GRID2: variants seen among roughly 807,000 people sequenced by gnomAD.
GRID2 encodes the protein glutamate ionotropic receptor delta type subunit 2, also known as glutamate receptor ionotropic, delta-2.
A neutral mutation model predicts 114.8 loss-of-function variants in GRID2; 33 were observed. That is an observed-to-expected ratio of 0.29 (90% confidence interval 0.22 to 0.38). The LOEUF (loss-of-function observed/expected upper bound fraction) is 0.38. Among genes scored for constraint, GRID2 ranks in the 10% least tolerant of loss-of-function variants. The pLI is 1.00. For missense variants in GRID2, 1,184 were observed against 1,257.7 expected (o/e 0.94, Z 0.89); for synonymous variants, 505 against 449.9 (o/e 1.12, Z -1.55).
intron 14 of GRID2, among the ~76,000 whole-genome samples, chr4:93,706,332 T>G (rs1234642176): frequency 1.3e-5 from 2 of 152,210 alleles, no homozygotes; most frequent in Non-Finnish European, 2.9e-5. Flanking sequence ...TCTTTCCATT[T>G]TTTTACATCC....
intron 13 of GRID2, among the ~76,000 whole-genome samples, chr4:93,556,505 T>C (rs1215494469): frequency 6.6e-6 from 1 of 151,890 alleles, no homozygotes; most frequent in Non-Finnish European, 1.5e-5. Flanking sequence ...AGAAAAGATA[T>C]CAGAGATTGA....
chr4:93,501,122 T>G (rs1457892118), intron 12 of GRID2, among the ~76,000 whole-genome samples: 1 of 152,108 alleles, frequency 6.6e-6, no homozygotes, highest in Non-Finnish European at 1.5e-5. Flanking sequence ...AGAAAGACAT[T>G]TTTTAGAATC....
At chr4:92,913,475 A>G (rs1442518908) in intron 2 of GRID2, among the ~76,000 whole-genome samples, 5 of 152,012 alleles carry the variant, frequency 3.3e-5, no homozygotes, top group Middle Eastern at 6.8e-3. Context: ...TATCCTAAAT[A>G]TAACTTTTAT....
At chr4:92,483,292 C>T (rs1355821671) in intron 1 of GRID2, among the ~76,000 whole-genome samples, 6 of 152,040 alleles carry the variant, frequency 3.9e-5, no homozygotes, top group Non-Finnish European at 4.4e-5. Flanking sequence ...GAGCCAAGGT[C>T]GTGCCACTGC....
chr4:93,055,258 A>G (rs1477548507), intron 2 of GRID2, among the ~76,000 whole-genome samples: 1 of 151,766 alleles, frequency 6.6e-6, no homozygotes, highest in African/African-American at 2.4e-5. Flanking sequence ...CTTACTGCAC[A>G]AAGTTCCACC....
At chr4:92,771,219 A>G (rs551062618) in intron 2 of GRID2, among the ~76,000 whole-genome samples, 1 of 152,300 alleles carries the variant, frequency 6.6e-6, no homozygotes, top group African/African-American at 2.4e-5. Flanking sequence ...TCTCCAAAAT[A>G]TTGCAGTCGT....
intron 2 of GRID2, among the ~76,000 whole-genome samples, chr4:93,038,662 G>A (rs1725171308): frequency 6.6e-6 from 1 of 152,014 alleles, no homozygotes; most frequent in African/African-American, 2.4e-5. Context: ...GTGGTGGTGG[G>A]CACCTGTAGT....
At chr4:92,329,245 T>C (rs1191652686) in intron 1 of GRID2, among the ~76,000 whole-genome samples, 2 of 152,084 alleles carry the variant, frequency 1.3e-5, no homozygotes, top group African/African-American at 4.8e-5. Flanking sequence ...TCTGATCCTC[T>C]AGGAAGCTGA....
chr4:93,401,089 G>A (rs759575374), intron 9 of GRID2, among the ~76,000 whole-genome samples: 2 of 151,066 alleles, frequency 1.3e-5, no homozygotes, highest in South Asian at 2.1e-4. Context: ...CAAAGTATTG[G>A]GATTACAGGT....
chr4:92,975,203 A>T (rs888372679), intron 2 of GRID2, among the ~76,000 whole-genome samples: 4 of 144,058 alleles, frequency 2.8e-5, no homozygotes, highest in Non-Finnish European at 4.5e-5. Flanking sequence ...CTAGCTTATT[A>T]TTTATATATG....
intron 11 of GRID2, among the ~76,000 whole-genome samples, chr4:93,462,441 G>A (rs886073972): frequency 2.0e-5 from 3 of 152,096 alleles, no homozygotes; most frequent in African/African-American, 7.2e-5. Context: ...TGTGCCTTTA[G>A]GAGTGTTAGA....
intron 13 of GRID2, among the ~76,000 whole-genome samples, chr4:93,564,217 TC>T (rs1735194905): frequency 6.6e-6 from 1 of 152,022 alleles, no homozygotes; most frequent in Non-Finnish European, 1.5e-5. Flanking sequence ...AGTCTGAACT[TC>T]CCTGACTTGA....
At chr4:93,478,942 T>C (rs960962635) in intron 11 of GRID2, among the ~76,000 whole-genome samples, 4 of 152,068 alleles carry the variant, frequency 2.6e-5, no homozygotes, top group African/African-American at 9.7e-5. Flanking sequence ...CAATATTTAG[T>C]CATTTAAAAC....
At chr4:93,585,525 C>G (rs1737447193) in intron 13 of GRID2, among the ~76,000 whole-genome samples, 3 of 152,078 alleles carry the variant, frequency 2.0e-5, no homozygotes, top group Admixed American at 1.3e-4. Context: ...AACATGGTCT[C>G]AACCCTTCTT....
At chr4:92,754,408 T>A (rs963528097) in intron 2 of GRID2, among the ~76,000 whole-genome samples, 2 of 152,126 alleles carry the variant, frequency 1.3e-5, no homozygotes, top group Non-Finnish European at 2.9e-5. Context: ...AATAGGGGCT[T>A]TCCAAGAGAG....
chr4:93,527,209 T>C (rs1343870922), intron 13 of GRID2, among the ~76,000 whole-genome samples: 1 of 152,190 alleles, frequency 6.6e-6, no homozygotes, highest in African/African-American at 2.4e-5. Context: ...TTTTTATGTT[T>C]CTCAGATTAA....
At chr4:92,788,035 T>A (rs1739404407) in intron 2 of GRID2, among the ~76,000 whole-genome samples, 1 of 151,816 alleles carries the variant, frequency 6.6e-6, no homozygotes. Flanking sequence ...AATTAAACAT[T>A]CCAAGAGGGT....
intron 10 of GRID2, among the ~76,000 whole-genome samples, chr4:93,445,259 A>G (rs1721992015): frequency 6.6e-6 from 1 of 152,144 alleles, no homozygotes; most frequent in Middle Eastern, 3.4e-3. Context: ...AATAAGTAAA[A>G]TAAGTTTGGT....
intron 13 of GRID2, among the ~76,000 whole-genome samples, chr4:93,531,969 C>T (rs779055396): frequency 6.6e-6 from 1 of 151,918 alleles, no homozygotes; most frequent in Admixed American, 6.6e-5. Context: ...CTTTAAGAAT[C>T]AAAGATAATA....
Sources: gnomAD v4.1 joint callset for allele counts (sites outside exome capture counted in the v4.1 genomes callset) on GRCh38, gnomAD v4.1.1 for gene constraint, MANE v1.5 for transcripts, NCBI Gene and HGNC (gene_info 2026-07-23, HGNC 2026-07-21) for gene names.